The following MEF2A variants were observed in gnomAD, a reference collection of about 807,000 sequenced individuals.
MEF2A encodes the protein myocyte-specific enhancer factor 2A.
A neutral mutation model predicts 55.8 loss-of-function variants in MEF2A; 28 were observed. The observed-to-expected ratio is 0.50, with a 90% CI of 0.37 to 0.69. MEF2A has a LOEUF of 0.69. MEF2A is among the 30% of genes least tolerant of loss of function. The pLI is 0.00. For missense variants in MEF2A, 528 were observed against 626.2 expected (o/e 0.84, Z 1.67); for synonymous variants, 239 against 227.1 (o/e 1.05, Z -0.47).
chr15:99,579,635 AT>A (rs1368144206), intron 1 of MEF2A, among the ~76,000 whole-genome samples: 1 of 152,130 alleles, frequency 6.6e-6, no homozygotes, highest in Non-Finnish European at 1.5e-5. Context: ...GCCTCAAGTG[AT>A]CCACTTGCCT....
At chr15:99,671,604 T>C in intron 5 of MEF2A, 150 bp downstream of exon 5, 1 of 1,597,850 alleles carries the variant, frequency 6.3e-7, no homozygotes, top group Non-Finnish European at 8.5e-7. Flanking sequence ...AGAAGAAAAA[T>C]ATAAAAAAAT....
chr15:99,610,225 GAC>G (rs1976649861), intron 2 of MEF2A, among the ~76,000 whole-genome samples: 2 of 151,862 alleles, frequency 1.3e-5, no homozygotes, highest in South Asian at 4.2e-4. Context: ...TTTCACAAAA[GAC>G]ACAGAGCACC....
intron 2 of MEF2A, among the ~76,000 whole-genome samples, chr15:99,609,504 G>C (rs1422068048): frequency 1.3e-5 from 2 of 152,064 alleles, no homozygotes; most frequent in African/African-American, 4.8e-5. Context: ...CTTTCTTTAT[G>C]GCTGTGATTG....
rs528262169 is a variant in MEF2A, at chr15:99,621,531, TAGTA to T, written c.-142-11443_-142-11440del. On this transcript the variant is annotated intron_variant, in intron 2 of 11. Coordinates refer to ENST00000557942, the MANE Select transcript of MEF2A (RefSeq NM_001319206.4). ...TTTGGGGGCCATTCATTTGCAACAG[TAGTA>T]AGTGTTTCTGTTCCTTGGGGCTGAG... Among the ~76,000 whole-genome samples, 9 of 152,316 alleles carry T rather than the reference TAGTA, an allele frequency of 5.9e-5. No homozygotes were observed. In the South Asian group the frequency reaches 1.4e-3, roughly 25 times the overall value.
intron 1 of MEF2A, among the ~76,000 whole-genome samples, chr15:99,568,477 CA>C (rs1339333575): frequency 6.6e-6 from 1 of 152,000 alleles, no homozygotes; most frequent in Non-Finnish European, 1.5e-5. Flanking sequence ...AATATTCCAG[CA>C]ATAGCAGTGT....
At chr15:99,676,067 G>A (rs1210853157) in intron 7 of MEF2A, among the ~76,000 whole-genome samples, 2 of 151,750 alleles carry the variant, frequency 1.3e-5, no homozygotes, top group East Asian at 3.9e-4. Context: ...GGAGATGATT[G>A]AATGACTTAA....
intron 7 of MEF2A, among the ~76,000 whole-genome samples, chr15:99,687,442 C>T (rs1310446725): frequency 6.6e-6 from 1 of 152,076 alleles, no homozygotes; most frequent in Non-Finnish European, 1.5e-5. Flanking sequence ...TGGCTTTATA[C>T]TAGAATGAAA....
Position 99,667,188 on chromosome 15 carries a change from A to G in MEF2A, c.259-4135A>G, listed in dbSNP as rs2049950903. ...GGGTGGTTTCACACTCGTAAGTGGT[A>G]AAATAGTTTTGTTTTTTGGTTTTTG... On this transcript the variant is annotated intron_variant, in intron 4 of 11. Coordinates refer to ENST00000557942, the MANE Select transcript of MEF2A (RefSeq NM_001319206.4). 2.0e-5 allele frequency among the ~76,000 whole-genome samples: 3 copies of G among 152,096 alleles called. No individual in the cohort carries two copies. In the South Asian group the frequency reaches 6.2e-4, roughly 32 times the overall value.
At chr15:99,656,074 A>G (rs182641649) in intron 4 of MEF2A, among the ~76,000 whole-genome samples, 1 of 152,300 alleles carries the variant, frequency 6.6e-6, no homozygotes, top group Admixed American at 6.5e-5. Flanking sequence ...GTACTTCCGC[A>G]TTCACTTAAT....
chr15:99,707,315 T>C (rs1399998208), intron 10 of MEF2A, among the ~76,000 whole-genome samples: 1 of 152,188 alleles, frequency 6.6e-6, no homozygotes, highest in Non-Finnish European at 1.5e-5. Flanking sequence ...GGCCGACGTT[T>C]GGCTGTGTCG....
intron 2 of MEF2A, among the ~76,000 whole-genome samples, chr15:99,602,853 A>T (rs2153095664): frequency 6.6e-6 from 1 of 151,674 alleles, no homozygotes; most frequent in South Asian, 2.1e-4. Flanking sequence ...ACCTACTGTA[A>T]CAAAACTATG....
rs535222786 is a variant in MEF2A, at chr15:99,691,417, G to C, written c.858+989G>C. 4.6e-5 allele frequency among the ~76,000 whole-genome samples: 7 copies of C among 152,184 alleles called. No homozygotes were observed. In the East Asian group the frequency reaches 1.4e-3, roughly 29 times the overall value. ...TTTGTTAGAAAATTCTACATACCAG[G>C]CAGGGTACAGTGGCTCACACCTGTA... On this transcript the variant is annotated intron_variant, in intron 8 of 11. Coordinates refer to ENST00000557942, the MANE Select transcript of MEF2A (RefSeq NM_001319206.4).
intron 1 of MEF2A, among the ~76,000 whole-genome samples, chr15:99,595,839 C>G (rs1285830167): frequency 6.6e-6 from 1 of 152,116 alleles, no homozygotes; most frequent in Non-Finnish European, 1.5e-5. Context: ...AGTTAAAGAG[C>G]TTAACAGTCT....
intron 7 of MEF2A, among the ~76,000 whole-genome samples, chr15:99,684,223 T>A (rs774750264): frequency 6.6e-6 from 1 of 152,188 alleles, no homozygotes; most frequent in African/African-American, 2.4e-5. Context: ...TCTTTTCCTC[T>A]GACCCAGTAG....
chr15:99,640,569 T>C (rs1388334497), intron 3 of MEF2A, among the ~76,000 whole-genome samples: 3 of 150,930 alleles, frequency 2.0e-5, no homozygotes, highest in African/African-American at 4.9e-5. Context: ...CTTTTTTTTT[T>C]TTTTTGAGAC....
rs1567203638 is a variant in MEF2A, at chr15:99,602,696, GTGTAGGGGTGGGGAGCTTTT to G, written c.-143+4189_-143+4208del. 1.8e-3 allele frequency among the ~76,000 whole-genome samples: 185 copies of G among 104,686 alleles called. 4 individuals carry two copies. The highest frequency in any genetic ancestry group is 3.1e-3 in the East Asian group (11 of 3,512). The allele number at this position is 104,686 out of a possible 152,430, so 68.7% of individuals were successfully genotyped here. The stretch of plus-strand genomic sequence containing the variant: ...TGTGTGTGTGTGTGTGTGTGTGTGT[GTGTAGGGGTGGGGAGCTTTT>G]TGTGTGTGTGTGTGGGGGGGTGGGG... On this transcript the variant is annotated intron_variant, in intron 2 of 11. Coordinates refer to ENST00000557942, the MANE Select transcript of MEF2A (RefSeq NM_001319206.4).
chr15:99,603,772 G>A (rs1433590216), intron 2 of MEF2A, among the ~76,000 whole-genome samples: 1 of 152,094 alleles, frequency 6.6e-6, no homozygotes, highest in African/African-American at 2.4e-5. Flanking sequence ...TGTTAACTAG[G>A]TCACATTGGT....
In MEF2A at chr15:99,599,100, G is replaced by A. The variant is rs1394522088; in HGVS notation, c.-143+589G>A. Among the ~76,000 whole-genome samples the A allele has an allele frequency of 5.9e-5, 9 of 152,166 alleles. No homozygotes were observed. In the East Asian group the frequency reaches 1.4e-3, roughly 23 times the overall value. Reference sequence around the variant, plus strand: ...GATTAAAAAACTTACATTGGCCTAGGTTAACATTCACAGTATCTCAGTAAG... The same window carrying A: ...GATTAAAAAACTTACATTGGCCTAGATTAACATTCACAGTATCTCAGTAAG... On this transcript the variant is annotated intron_variant, in intron 2 of 11. Coordinates refer to ENST00000557942, the MANE Select transcript of MEF2A (RefSeq NM_001319206.4).
chr15:99,622,404 C>T (rs949069014), intron 2 of MEF2A, among the ~76,000 whole-genome samples: 1 of 152,058 alleles, frequency 6.6e-6, no homozygotes, highest in Non-Finnish European at 1.5e-5. Flanking sequence ...AGTAAAACTC[C>T]TTTAGCTTTA....
Sources: allele counts gnomAD v4.1 joint callset (sites outside exome capture counted in the v4.1 genomes callset), GRCh38; gene constraint gnomAD v4.1.1; transcripts MANE v1.5; gene names NCBI Gene and HGNC (gene_info 2026-07-23, HGNC 2026-07-21).